Variants in SAMSN1 observed in about 807,000 individuals in gnomAD.
SAMSN1 encodes the protein SAM domain, SH3 domain and nuclear localization signals 1, also known as SAM domain-containing protein SAMSN-1.
SAMSN1 carries 31 observed loss-of-function variants against 42.0 expected under a neutral mutation model. The observed-to-expected ratio is 0.74, with a 90% CI of 0.55 to 1.00. The LOEUF is 1.00. SAMSN1 is among the 50% of genes least tolerant of loss of function. The pLI, the probability that SAMSN1 is intolerant of heterozygous loss-of-function variation, is 0.00. For missense variants in SAMSN1, 464 were observed against 439.4 expected (o/e 1.06, Z -0.50); for synonymous variants, 178 against 151.9 (o/e 1.17, Z -1.26).
chr21:14,556,589 T>C (rs1392656676), intron 2 of SAMSN1, among the ~76,000 whole-genome samples: 1 of 152,194 alleles, frequency 6.6e-6, no homozygotes, highest in Non-Finnish European at 1.5e-5. Context: ...AAAGAGCTTC[T>C]TAGGAGACTG....
chr21:14,500,815 T>C, intron 5 of SAMSN1, 80 bp from the exon 6 acceptor site: 1 of 1,101,236 alleles, frequency 9.1e-7, no homozygotes. Context: ...AAAACTAGAA[T>C]AATGAGGACA....
At chr21:14,620,183 G>T (rs573423308) in intron 2 of SAMSN1, among the ~76,000 whole-genome samples, 1 of 152,276 alleles carries the variant, frequency 6.6e-6, no homozygotes, top group South Asian at 2.1e-4. Flanking sequence ...TTCACTTCAA[G>T]ATAGTCAATG....
Position 14,628,121 on chromosome 21 carries a change from G to A in SAMSN1, c.157-12105C>T, listed in dbSNP as rs570660911. On this transcript the variant is annotated intron_variant, in intron 2 of 15. Coordinates refer to the SAMSN1 transcript ENST00000647101. ...TAAAACAAAGACAAATATACACGAT[G>A]AAACACAACAGCATCCAATCAATGG... Among the ~76,000 whole-genome samples, 9 of 152,178 alleles carry A rather than the reference G, an allele frequency of 5.9e-5. 1 individual carries two copies. Among genetic ancestry groups the A allele is most frequent in the African/African-American group, 2.2e-4 (9 of 41,536 alleles).
chr21:14,529,454 T>A lies in SAMSN1; in HGVS notation c.58-8233A>T, dbSNP rs146592217. The stretch of plus-strand genomic sequence containing the variant: ...AGTTACACAAAAATAAATTAGAACT[T>A]AATCATGTTGCAACTAATGACAATA... On this transcript the variant is annotated intron_variant, in intron 1 of 7. Transcript: ENST00000400566. 1.3e-3 allele frequency among the ~76,000 whole-genome samples: 205 copies of A among 152,300 alleles called. 1 individual carries two copies. Among genetic ancestry groups the A allele is most frequent in the African/African-American group, 4.8e-3 (200 of 41,572 alleles).
At chr21:14,606,568 T>C (rs1037368677) in intron 5 of SAMSN1, among the ~76,000 whole-genome samples, 2 of 152,160 alleles carry the variant, frequency 1.3e-5, no homozygotes, top group Admixed American at 6.5e-5. Context: ...CTTACTAAAA[T>C]AAATATTATA....
chr21:14,641,110 C>T (rs918149497), intron 2 of SAMSN1, among the ~76,000 whole-genome samples: 1 of 152,018 alleles, frequency 6.6e-6, no homozygotes, highest in African/African-American at 2.4e-5. Flanking sequence ...TTTGCATTGT[C>T]AATTGACAGC....
intron 1 of SAMSN1, among the ~76,000 whole-genome samples, chr21:14,524,470 T>A (rs1043310051): frequency 6.6e-6 from 1 of 152,206 alleles, no homozygotes; most frequent in Non-Finnish European, 1.5e-5. Context: ...GTCTTTATAC[T>A]CTACACGAAT....
chr21:14,592,342 A>G (rs1421067555), intron 7 of SAMSN1: 1 of 152,600 alleles, frequency 6.6e-6, no homozygotes, highest in Non-Finnish European at 1.5e-5. Context: ...CTATGAATGG[A>G]AAATTACACA....
At chr21:14,507,933 G>A (rs1362417870) in intron 5 of SAMSN1, among the ~76,000 whole-genome samples, 1 of 151,686 alleles carries the variant, frequency 6.6e-6, no homozygotes, top group East Asian at 1.9e-4. Flanking sequence ...TTTTGAAAAA[G>A]CAAACAAAAA....
In SAMSN1 at chr21:14,546,217, A is replaced by G. The variant is rs1210716373; in HGVS notation, c.45T>C (p.His15=). 6.2e-7 allele frequency: 1 copy of G among 1,613,196 alleles called. No individual in the cohort carries two copies. Among genetic ancestry groups the G allele is most frequent in the Non-Finnish European group, 8.5e-7 (1 of 1,179,540 alleles). ...KPSNVSEKEK[H]QKPKRSSSFG... ...GAAATCACCTTACCTTTGGTTTTTG[A>G]TGTTTCTCCTTCTCTGAAACATTGG... Residue 15 remains histidine, a synonymous_variant, in exon 1 of 8, where the codon CAT becomes CAC. Transcript: ENST00000400566.
chr21:14,624,749 A>G (rs1001077262), intron 2 of SAMSN1, among the ~76,000 whole-genome samples: 5 of 152,220 alleles, frequency 3.3e-5, no homozygotes, highest in African/African-American at 1.2e-4. Context: ...TCAACAGAAA[A>G]AGAGGGAATC....
chr21:14,530,350 A>AGAAATAAT (rs71183429), intron 1 of SAMSN1, among the ~76,000 whole-genome samples: 4 of 149,838 alleles, frequency 2.7e-5, no homozygotes, highest in Non-Finnish European at 6.0e-5. Context: ...AGAAATAATC[A>AGAAATAAT]CCAAATCCGA....
intron 3 of SAMSN1, among the ~76,000 whole-genome samples, chr21:14,515,750 T>TA (rs535994245): frequency 1.3e-5 from 2 of 152,272 alleles, no homozygotes; most frequent in Middle Eastern, 3.4e-3. Context: ...ATATATCTGA[T>TA]AAAAAACTTG....
intron 5 of SAMSN1, among the ~76,000 whole-genome samples, chr21:14,503,688 C>T (rs891735440): frequency 3.3e-5 from 5 of 152,194 alleles, no homozygotes; most frequent in East Asian, 1.9e-4. Flanking sequence ...TAGACATTTC[C>T]GGGGCATCAT....
At chr21:14,658,680 T>G (rs1023837031) in intron 1 of SAMSN1, 1 of 711,088 alleles carries the variant, frequency 1.4e-6, no homozygotes, top group Non-Finnish European at 2.6e-6. Flanking sequence ...GAATATATCC[T>G]AATTTCATTC....
intron 2 of SAMSN1, among the ~76,000 whole-genome samples, chr21:14,624,775 T>G (rs1983116933): frequency 6.6e-6 from 1 of 152,200 alleles, no homozygotes; most frequent in Non-Finnish European, 1.5e-5. Context: ...TAACTCATTT[T>G]ATGAGGCCAG....
intron 2 of SAMSN1, among the ~76,000 whole-genome samples, chr21:14,557,161 C>A (rs1282916034): frequency 6.6e-6 from 1 of 152,096 alleles, no homozygotes; most frequent in Non-Finnish European, 1.5e-5. Flanking sequence ...CACGGAGAAC[C>A]TGTGGTGTGA....
intron 5 of SAMSN1, among the ~76,000 whole-genome samples, chr21:14,502,254 A>AGGCTGG (rs983044891): frequency 1.7e-4 from 22 of 126,740 alleles, no homozygotes; most frequent in Admixed American, 1.4e-3. Context: ...GTGATCTGTT[A>AGGCTGG]GGCTTTCTGC....
intron 2 of SAMSN1, among the ~76,000 whole-genome samples, chr21:14,581,583 T>C (rs1981733214): frequency 6.6e-6 from 1 of 151,412 alleles, no homozygotes; most frequent in Non-Finnish European, 1.5e-5. Context: ...ATGGTCTCGA[T>C]CTCCTGACCT....
Sources: gnomAD v4.1 joint callset for allele counts (sites outside exome capture counted in the v4.1 genomes callset) on GRCh38, gnomAD v4.1.1 for gene constraint, MANE v1.5 for transcripts, NCBI Gene and HGNC (gene_info 2026-07-23, HGNC 2026-07-21) for gene names.